Variants in TMEM184B observed in about 807,000 individuals in gnomAD.
TMEM184B encodes the protein transmembrane protein 184B.
A neutral mutation model predicts 41.8 loss-of-function variants in TMEM184B; 17 were observed. The ratio of observed to expected loss-of-function variants is 0.41; its 90% CI spans 0.28 to 0.61. TMEM184B has a LOEUF of 0.61. Among genes scored for constraint, TMEM184B ranks in the 20% least tolerant of loss-of-function variants. The pLI, the probability that TMEM184B is intolerant of heterozygous loss-of-function variation, is 0.34. For synonymous variants in TMEM184B, 240 were observed against 229.5 expected, an observed-to-expected ratio of 1.05 and a Z score of -0.41; for missense variants, 393 against 557.8, an observed-to-expected ratio of 0.70 and a Z score of 2.98.
At position 38,219,782 on chromosome 22, in the gene TMEM184B, G is replaced by T; in HGVS notation, c.*1687C>A. 1 of 985,600 alleles carries T rather than the reference G, an allele frequency of 1.0e-6. No homozygotes were observed. The allele number at this position is 985,600 out of a possible 1,614,324, so 61.1% of individuals were successfully genotyped here. Reference sequence around the variant, plus strand: ...TGGTGAAAGCAGATGGCGGGGCAGGGCCAGGGCTGGTCCTCAGCCTGTGTC... The same window carrying T: ...TGGTGAAAGCAGATGGCGGGGCAGGTCCAGGGCTGGTCCTCAGCCTGTGTC... On this transcript the variant is annotated 3_prime_UTR_variant, in exon 9 of 9. Coordinates refer to ENST00000361906, the MANE Select transcript of TMEM184B (RefSeq NM_012264.5).
chr22:38,265,985 A>T (rs1348348500), intron 1 of TMEM184B, among the ~76,000 whole-genome samples: 1 of 152,232 alleles, frequency 6.6e-6, no homozygotes, highest in African/African-American at 2.4e-5. Flanking sequence ...GGCAGTCCAC[A>T]GGGGTTGGAG....
At position 38,220,567 on chromosome 22, in the gene TMEM184B, C is replaced by T; in HGVS notation, c.*902G>A. 1 of 985,950 alleles carries T rather than the reference C, an allele frequency of 1.0e-6. No homozygotes were observed. Among genetic ancestry groups the T allele is most frequent in the Non-Finnish European group, 1.2e-6 (1 of 830,008 alleles). The allele number at this position is 985,950 out of a possible 1,614,324, so 61.1% of individuals were successfully genotyped here. A position where few individuals can be genotyped will look rare whatever the true frequency, so the allele number is the denominator to read the frequency against. Reference sequence around the variant, plus strand: ...CTGGTCTGAAACGTGGAGACTCAGACCTTTCCCCTGAAACGGGAGGGAGAA... The same window carrying T: ...CTGGTCTGAAACGTGGAGACTCAGATCTTTCCCCTGAAACGGGAGGGAGAA... On this transcript the variant is annotated 3_prime_UTR_variant, in exon 9 of 9. Coordinates refer to ENST00000361906, the MANE Select transcript of TMEM184B (RefSeq NM_012264.5).
At chr22:38,219,190 G>A (rs1367554120), downstream of TMEM184B, 2 of 892,262 alleles carry the variant, frequency 2.2e-6, no homozygotes, top group Non-Finnish European at 2.7e-6. Flanking sequence ...CACACAGGAA[G>A]GAGAGGGTTT....
chr22:38,231,344 G>T lies in TMEM184B; in HGVS notation c.359-10C>A, dbSNP rs763793959. 6.2e-7 allele frequency: 1 copy of T among 1,609,682 alleles called. No individual in the cohort carries two copies. The highest frequency in any genetic ancestry group is 1.7e-4 in the Middle Eastern group (1 of 6,054). ...TTATAGATGACCAAGGCTGCGAAGA[G>T]AGTGTCCAGGAGAAACCAGTCAAAT... is the stretch of plus-strand genomic sequence containing the variant. On this transcript the variant is annotated splice_polypyrimidine_tract_variant and intron_variant, in intron 3 of 8. Transcript: ENST00000361906.
At chr22:38,222,045 C>A in intron 8 of TMEM184B, 1 of 357,546 alleles carries the variant, frequency 2.8e-6, no homozygotes, top group Non-Finnish European at 5.3e-6. Context: ...GAGGCCAGAG[C>A]AGGCTCAGCA....
At chr22:38,250,179 G>A (rs1035223971) in intron 1 of TMEM184B, among the ~76,000 whole-genome samples, 3 of 152,218 alleles carry the variant, frequency 2.0e-5, no homozygotes, top group African/African-American at 7.2e-5. Context: ...TCCTGGGTGC[G>A]GCGGCCTGCA....
chr22:38,259,452 TC>T (rs1306067748), intron 1 of TMEM184B, among the ~76,000 whole-genome samples: 3 of 151,974 alleles, frequency 2.0e-5, no homozygotes, highest in Non-Finnish European at 4.4e-5. Context: ...ATCACAAGGG[TC>T]CTCGTAGGAG....
intron 4 of TMEM184B, 67 bp from the exon 5 acceptor site, chr22:38,230,811 G>A (rs1476199710): frequency 4.0e-5 from 60 of 1,484,090 alleles, no homozygotes; most frequent in Middle Eastern, 1.7e-4. Flanking sequence ...ACAGTGGGGT[G>A]GGGAAGGCCG....
At chr22:38,263,522 G>A (rs1160682985) in intron 1 of TMEM184B, among the ~76,000 whole-genome samples, 3 of 152,176 alleles carry the variant, frequency 2.0e-5, no homozygotes, top group Non-Finnish European at 4.4e-5. Flanking sequence ...GGTATCCCAT[G>A]TTTAGACGGG....
At chr22:38,221,740 G>A (rs763660075) in intron 8 of TMEM184B, 30 bp from the exon 9 acceptor site, 2 of 1,609,652 alleles carry the variant, frequency 1.2e-6, no homozygotes, top group Middle Eastern at 1.7e-4. Context: ...AGGGGCAGGT[G>A]AGGAGGCTGG....
rs756097227 is a variant in TMEM184B, at chr22:38,247,951, C to T, written c.11G>A (p.Arg4Lys). The T allele has an allele frequency of 9.4e-5, 149 of 1,581,702 alleles. No homozygotes were observed. The highest frequency in any genetic ancestry group is 1.1e-4 in the Non-Finnish European group (133 of 1,169,746). Residue 4 changes from arginine to lysine, a missense_variant, in exon 2 of 9, where the codon AGG (arginine) becomes AAG (lysine). Around this residue, in one of 2 missense-constraint regions of TMEM184B, gnomAD observed 122 missense variants for 123.7 expected, o/e 0.99. Transcript: ENST00000361906. MTV[R>K]GDVLAPDPAS... ...TGGATCCGGGGCCAGCACATCCCCC[C>T]TCACTGTCATGGTGCCTGGCAGCAG...
Sources: gnomAD v4.1 joint callset for allele counts (sites outside exome capture counted in the v4.1 genomes callset) on GRCh38, gnomAD v4.1.1 for gene constraint, gnomAD v4.1.1 regional missense constraint, MANE v1.5 for transcripts, NCBI Gene and HGNC (gene_info 2026-07-23, HGNC 2026-07-21) for gene names.